Variants in AFF1 observed in about 807,000 individuals in gnomAD.
The protein encoded by AFF1 is ALF transcription elongation factor 1, also known as AF4/FMR2 family member 1.
Under a neutral mutation model 121.7 loss-of-function variants are expected in AFF1, and 48 were observed. That is an observed-to-expected ratio of 0.39 (90% CI 0.31 to 0.50). The LOEUF is 0.50. Among genes scored for constraint, AFF1 ranks in the 20% least tolerant of loss-of-function variants. The probability of loss-of-function intolerance (pLI) is 0.76; values close to 1 mark genes in which losing one functional copy is unlikely to be tolerated. For missense variants in AFF1, 1,523 were observed against 1,511.7 expected, an observed-to-expected ratio of 1.01 and a Z score of -0.12; for synonymous variants, 613 against 563.0, an observed-to-expected ratio of 1.09 and a Z score of -1.26.
At chr4:87,035,515 C>G (rs537391575) in intron 2 of AFF1, among the ~76,000 whole-genome samples, 4 of 151,606 alleles carry the variant, frequency 2.6e-5, no homozygotes, top group Admixed American at 6.6e-5. Flanking sequence ...GAGCGGAGAT[C>G]GCGCCACTGC....
At chr4:87,111,297 G>A (rs1270226387) in intron 11 of AFF1, among the ~76,000 whole-genome samples, 2 of 28,172 alleles carry the variant, frequency 7.1e-5, no homozygotes, top group East Asian at 1.0e-3. Context: ...GATTACAGGC[G>A]TGAGCCACCG....
At chr4:87,111,593 A>T (rs1484779186) in intron 11 of AFF1, among the ~76,000 whole-genome samples, 1 of 151,980 alleles carries the variant, frequency 6.6e-6, no homozygotes. Context: ...ACCTCAAGTG[A>T]TCCACCCACC....
intron 2 of AFF1, among the ~76,000 whole-genome samples, chr4:86,966,244 A>C (rs140500453): frequency 3.3e-5 from 5 of 151,892 alleles, no homozygotes; most frequent in Admixed American, 6.6e-5. Context: ...GTGCAGAGTG[A>C]TATATATTGA....
intron 2 of AFF1, among the ~76,000 whole-genome samples, chr4:86,969,879 C>CAAAAAAAAAAAAAAAAA (rs70953629): frequency 0.057 from 3,596 of 63,450 alleles, 899 homozygotes; most frequent in Non-Finnish European, 0.087. Flanking sequence ...GACTCCGTCT[C>CAAAAAAAAAAAAAAAAA]AAAAAAAAAA....
At chr4:87,022,523 G>A (rs1728005989) in intron 2 of AFF1, among the ~76,000 whole-genome samples, 1 of 107,234 alleles carries the variant, frequency 9.3e-6, no homozygotes, top group Admixed American at 1.0e-4. Flanking sequence ...CCTCTACGAT[G>A]TTTTCTTCCC....
chr4:87,031,316 T>C (rs1228652938), intron 2 of AFF1, among the ~76,000 whole-genome samples: 1 of 152,244 alleles, frequency 6.6e-6, no homozygotes, highest in East Asian at 1.9e-4. Context: ...CATTCAAGAT[T>C]CAGCTCAGAT....
intron 1 of AFF1, among the ~76,000 whole-genome samples, chr4:86,937,436 C>T (rs1268153236): frequency 6.6e-6 from 1 of 152,176 alleles, no homozygotes; most frequent in African/African-American, 2.4e-5. Flanking sequence ...TCTGTTTCCT[C>T]TCCGGTTTAA....
Position 87,066,741 on chromosome 4 carries a change from AG to A in AFF1, c.1060-17375del, listed in dbSNP as rs557147020. 5.3e-3 allele frequency among the ~76,000 whole-genome samples: 804 copies of A among 152,284 alleles called. 5 individuals are homozygous for A. The highest frequency in any genetic ancestry group is 0.014 in the Middle Eastern group (4 of 294). On this transcript the variant is annotated intron_variant, in intron 4 of 20. Transcript: ENST00000395146. ...CTTGTCTAATAAATGGCTTGACTTG[AG>A]GGGTATCTTGGAGGCATTCTCAACC...
At chr4:87,075,687 C>T (rs1316011590) in intron 4 of AFF1, among the ~76,000 whole-genome samples, 1 of 152,190 alleles carries the variant, frequency 6.6e-6, no homozygotes, top group Admixed American at 6.5e-5. Flanking sequence ...GTGAAAACAT[C>T]TGATTAGGTG....
intron 2 of AFF1, chr4:87,020,667 G>A (rs904335052): frequency 2.6e-6 from 1 of 383,172 alleles, no homozygotes; most frequent in East Asian, 1.6e-4. Flanking sequence ...TGTATTTTTA[G>A]TGGAGACAGG....
intron 1 of AFF1, chr4:86,936,075 T>C (rs1719961813): frequency 6.6e-6 from 1 of 152,150 alleles, no homozygotes; most frequent in South Asian, 2.1e-4. Context: ...TTCCCGGAGC[T>C]TCTCCACCAC....
At chr4:87,013,032 CTTTTTTT>C (rs61071328) in intron 2 of AFF1, among the ~76,000 whole-genome samples, 15,670 of 93,546 alleles carry the variant, frequency 0.17, 1,293 homozygotes, top group Middle Eastern at 0.28. Flanking sequence ...CTATCAAGTT[CTTTTTTT>C]TTTTTTTTTT....
In AFF1 at chr4:87,015,274, G is replaced by A. The variant is rs143320459; in HGVS notation, c.39-30892G>A. Among the ~76,000 whole-genome samples the A allele has an allele frequency of 6.0e-3, 919 of 152,128 alleles. 11 individuals are homozygous for A. The highest frequency in any genetic ancestry group is 0.022 in the Admixed American group (329 of 15,266). ...TCCAGCCTCCTTTTAGAGTTAAGACGGTGCTAACTCTCCATTTAAAAAAGT... is the reference window on the plus strand; with the variant it reads ...TCCAGCCTCCTTTTAGAGTTAAGACAGTGCTAACTCTCCATTTAAAAAAGT... On this transcript the variant is annotated intron_variant, in intron 2 of 20. Coordinates refer to ENST00000395146, the MANE Select transcript of AFF1 (RefSeq NM_001166693.3).
intron 20 of AFF1, among the ~76,000 whole-genome samples, chr4:87,134,913 C>G (rs746134314): frequency 6.6e-6 from 1 of 152,154 alleles, no homozygotes; most frequent in Non-Finnish European, 1.5e-5. Flanking sequence ...CTTAGCAAAA[C>G]CAAAATACAA....
chr4:87,050,627 G>A (rs1731169783), intron 4 of AFF1, among the ~76,000 whole-genome samples: 8 of 152,062 alleles, frequency 5.3e-5, no homozygotes, highest in Admixed American at 5.2e-4. Flanking sequence ...AGATCCTAAG[G>A]GAAAAAATTA....
intron 2 of AFF1, among the ~76,000 whole-genome samples, chr4:87,018,459 C>T (rs1258914831): frequency 6.6e-6 from 1 of 152,178 alleles, no homozygotes; most frequent in Non-Finnish European, 1.5e-5. Flanking sequence ...AGCCATGACA[C>T]AGAGAAAGGT....
At chr4:87,001,484 G>C (rs1725724136) in intron 2 of AFF1, among the ~76,000 whole-genome samples, 1 of 152,180 alleles carries the variant, frequency 6.6e-6, no homozygotes, top group Non-Finnish European at 1.5e-5. Context: ...CCAAGGTGTC[G>C]GGATTACAGG....
At chr4:86,996,115 C>G (rs530888810) in intron 2 of AFF1, among the ~76,000 whole-genome samples, 88 of 151,768 alleles carry the variant, frequency 5.8e-4, no homozygotes, top group African/African-American at 2.0e-3. Context: ...GGGTCAGGCC[C>G]CCGCCCGGCC....
At chr4:87,056,785 A>G (rs1358071154) in intron 4 of AFF1, among the ~76,000 whole-genome samples, 1 of 152,234 alleles carries the variant, frequency 6.6e-6, no homozygotes. Context: ...GAGCAAGGTA[A>G]TACGGAACTC....
Sources: allele counts gnomAD v4.1 joint callset (sites outside exome capture counted in the v4.1 genomes callset), GRCh38; gene constraint gnomAD v4.1.1; transcripts MANE v1.5; gene names NCBI Gene and HGNC (gene_info 2026-07-23, HGNC 2026-07-21).